ZNF331: variants seen among roughly 807,000 people sequenced by gnomAD.
The protein encoded by ZNF331 is C2H2-like zinc finger protein rearranged in thyroid adenomas.
A neutral mutation model predicts 7.0 loss-of-function variants in ZNF331; 2 were observed. The observed-to-expected ratio is 0.29, with a 90% CI of 0.12 to 0.90. The LOEUF (loss-of-function observed/expected upper bound fraction) is 0.90, where lower values mean the gene tolerates loss of function less well. Among genes scored for constraint, ZNF331 ranks in the 40% least tolerant of loss-of-function variants. The pLI, the probability that ZNF331 is intolerant of heterozygous loss-of-function variation, is 0.58. For synonymous variants in ZNF331, 196 were observed against 205.4 expected, an observed-to-expected ratio of 0.95 and a Z score of 0.39; for missense variants, 432 against 587.7, an observed-to-expected ratio of 0.74 and a Z score of 2.74.
chr19:53,579,891 T>C lies in ZNF331; in HGVS notation c.*1939T>C, dbSNP rs912237762. On this transcript the variant is annotated 3_prime_UTR_variant, in exon 6 of 6. Transcript: ENST00000449416. The stretch of plus-strand genomic sequence containing the variant: ...GAACTCTCATAGAAAATATAAAGAA[T>C]CCCTCAAGTTGAAAAAAAAATCAAT... 4 of 201,308 alleles carry C rather than the reference T, an allele frequency of 2.0e-5. No individual in the cohort carries two copies. The highest frequency in any genetic ancestry group is 4.1e-5 in the Non-Finnish European group (4 of 98,370). 12.5% of individuals were successfully genotyped at this position (201,308 alleles called of 1,614,324 possible).
At position 53,573,886 on chromosome 19, in the gene ZNF331, G is replaced by A. The variant is rs1157687073; in HGVS notation, c.136+2156G>A. 6.6e-6 allele frequency among the ~76,000 whole-genome samples: 1 copy of A among 152,166 alleles called. No homozygotes were observed. Among genetic ancestry groups the A allele is most frequent in the Non-Finnish European group, 1.5e-5 (1 of 68,032 alleles). On this transcript the variant is annotated intron_variant, in intron 5 of 5. Transcript: ENST00000449416. This position sits in a 1 kb window ranked among gnomAD's most constrained non-coding sequence, Gnocchi z 4.2. ...CCAGCACTTTGGGAGTCCAAGGCGG[G>A]CAGATCACCTGAAGTCAGGACTTCA...
At chr19:53,554,249 G>A (rs1396576135) in intron 2 of ZNF331, among the ~76,000 whole-genome samples, 1 of 152,230 alleles carries the variant, frequency 6.6e-6, no homozygotes, top group Non-Finnish European at 1.5e-5. Flanking sequence ...GGGCGCGCAC[G>A]CGTGTCAGTG....
At chr19:53,565,462 AG>A (rs1253033097) in intron 3 of ZNF331, among the ~76,000 whole-genome samples, 4 of 151,622 alleles carry the variant, frequency 2.6e-5, no homozygotes, top group Non-Finnish European at 5.9e-5. Flanking sequence ...CACAAAGCGC[AG>A]TGTTGGCATT....
intron 3 of ZNF331, among the ~76,000 whole-genome samples, chr19:53,565,289 T>G (rs1474118408): frequency 6.6e-6 from 1 of 152,252 alleles, no homozygotes; most frequent in Non-Finnish European, 1.5e-5. Flanking sequence ...CAGGTGATTC[T>G]GAATATACTG....
chr19:53,508,776 T>C, the ZNF331 span, among the ~76,000 whole-genome samples: 1 of 152,208 alleles, frequency 6.6e-6, no homozygotes, highest in East Asian at 1.9e-4. Flanking sequence ...GACTCAAAGT[T>C]AGTTACAATT....
chr19:53,553,061 CCT>C (rs1271757645), intron 2 of ZNF331, among the ~76,000 whole-genome samples: 1 of 152,080 alleles, frequency 6.6e-6, no homozygotes, highest in Admixed American at 6.5e-5. Context: ...AACCTACCTT[CCT>C]CTCTTAGTAA....
At chr19:53,516,953 T>C (rs2086917859), upstream of ZNF331, among the ~76,000 whole-genome samples, 1 of 152,218 alleles carries the variant, frequency 6.6e-6, no homozygotes, top group Non-Finnish European at 1.5e-5. Context: ...ATACCAAATT[T>C]TAACAAATTT....
the ZNF331 span, chr19:53,503,858 A>G: frequency 8.5e-5 from 59 of 690,426 alleles, no homozygotes; most frequent in Non-Finnish European, 1.5e-4. Flanking sequence ...CAACAAAAAT[A>G]CCACAAAGAC....
Position 53,579,496 on chromosome 19 carries a change from G to C in ZNF331, c.*1544G>C, listed in dbSNP as rs2090850081. 4.8e-6 allele frequency: 1 copy of C among 208,428 alleles called. No individual in the cohort carries two copies. Among genetic ancestry groups the C allele is most frequent in the South Asian group, 1.9e-4 (1 of 5,306 alleles). The allele number at this position is 208,428 out of a possible 1,614,324, so 12.9% of individuals were successfully genotyped here. A position where few individuals can be genotyped will look rare whatever the true frequency, so the allele number is the denominator to read the frequency against. On this transcript the variant is annotated 3_prime_UTR_variant, in exon 6 of 6. Transcript: ENST00000449416. Reference sequence around the variant, plus strand: ...CTGCTATCATGGAAATTAAATGTTTGGTACATGTAAAGTCTTTGAAAGTGT... The same window carrying C: ...CTGCTATCATGGAAATTAAATGTTTCGTACATGTAAAGTCTTTGAAAGTGT...
chr19:53,531,584 A>G (rs1298719721), intron 2 of ZNF331, among the ~76,000 whole-genome samples: 3 of 152,250 alleles, frequency 2.0e-5, no homozygotes, highest in African/African-American at 4.8e-5. Context: ...TGATTTTCAT[A>G]TCACAGCCAG....
chr19:53,527,858 C>CCAGA (rs1760528155), intron 2 of ZNF331, among the ~76,000 whole-genome samples: 1 of 79,488 alleles, frequency 1.3e-5, no homozygotes, highest in Admixed American at 1.0e-4. Context: ...AGCAGATTAT[C>CCAGA]AAGAAAGCCT....
At chr19:53,504,813 G>A in the ZNF331 span, among the ~76,000 whole-genome samples, 5 of 152,322 alleles carry the variant, frequency 3.3e-5, no homozygotes, top group South Asian at 1.0e-3. Flanking sequence ...GTGACTTTGT[G>A]TAAGAGGAAG....
intron 2 of ZNF331, among the ~76,000 whole-genome samples, chr19:53,546,520 A>G (rs1449347221): frequency 7.0e-5 from 10 of 143,820 alleles, no homozygotes; most frequent in African/African-American, 2.3e-4. Context: ...CTAAGATCTG[A>G]TGGTATAGAA....
chr19:53,526,618 T>A (rs1306264857), intron 2 of ZNF331, among the ~76,000 whole-genome samples: 2 of 151,864 alleles, frequency 1.3e-5, no homozygotes, highest in African/African-American at 4.8e-5. Flanking sequence ...AGTGGTGCGA[T>A]CTTGGCTCAC....
intron 2 of ZNF331, among the ~76,000 whole-genome samples, chr19:53,546,140 G>GGAA (rs551214509): frequency 8.8e-5 from 10 of 113,510 alleles, no homozygotes; most frequent in African/African-American, 2.0e-4. Flanking sequence ...TCCTGAGGGG[G>GGAA]AAAAAAAAAA....
intron 2 of ZNF331, among the ~76,000 whole-genome samples, chr19:53,549,020 T>A (rs1448674780): frequency 6.6e-6 from 1 of 152,044 alleles, no homozygotes; most frequent in African/African-American, 2.4e-5. Context: ...GGCTAATTTT[T>A]GTATTTTTAG....
intron 2 of ZNF331, among the ~76,000 whole-genome samples, chr19:53,545,075 G>A (rs866315992): frequency 6.6e-6 from 1 of 152,142 alleles, no homozygotes; most frequent in Non-Finnish European, 1.5e-5. Flanking sequence ...GGTTAAGGGT[G>A]CACTGGATCT....
upstream of ZNF331, among the ~76,000 whole-genome samples, chr19:53,517,972 T>C (rs2086943850): frequency 6.6e-6 from 1 of 152,170 alleles, no homozygotes; most frequent in African/African-American, 2.4e-5. Context: ...AAGTGTCAAC[T>C]TGATTGGATT....
the ZNF331 span, among the ~76,000 whole-genome samples, chr19:53,508,560 G>A: frequency 2.6e-5 from 4 of 152,036 alleles, no homozygotes; most frequent in African/African-American, 7.3e-5. Context: ...TCTTCTTGAC[G>A]TGATCTCTTC....
Sources: gnomAD v4.1 joint callset for allele counts (sites outside exome capture counted in the v4.1 genomes callset) on GRCh38, gnomAD v4.1.1 for gene constraint, Gnocchi (gnomAD v3.1) non-coding constraint, MANE v1.5 for transcripts, NCBI Gene and HGNC (gene_info 2026-07-23, HGNC 2026-07-21) for gene names.